Variants in SORCS3 observed in about 807,000 individuals in gnomAD.
The protein encoded by SORCS3 is sortilin related VPS10 domain containing receptor 3, also known as VPS10 domain-containing receptor SorCS3.
Under a neutral mutation model 146.3 loss-of-function variants are expected in SORCS3, and 57 were observed. The observed-to-expected ratio is 0.39, with a 90% CI of 0.31 to 0.49. The LOEUF (loss-of-function observed/expected upper bound fraction) is 0.49, where lower values mean the gene tolerates loss of function less well. Ranked by LOEUF, SORCS3 falls within the 20% of genes least tolerant of loss-of-function variation. The pLI is 0.92. For missense variants in SORCS3, 1,341 were observed against 1,575.5 expected, an observed-to-expected ratio of 0.85 and a Z score of 2.52; for synonymous variants, 653 against 618.5, an observed-to-expected ratio of 1.06 and a Z score of -0.83.
At chr10:105,016,155 AT>A (rs10625699) in intron 4 of SORCS3, among the ~76,000 whole-genome samples, 1,084 of 101,274 alleles carry the variant, frequency 0.011, 18 homozygotes, top group African/African-American at 0.033. Flanking sequence ...ATATATATAT[AT>A]TTTTTTTTTT....
chr10:104,743,301 G>A (rs1438914435), intron 1 of SORCS3, among the ~76,000 whole-genome samples: 2 of 152,142 alleles, frequency 1.3e-5, no homozygotes, highest in East Asian at 1.9e-4. Context: ...CTGCCATAGC[G>A]GGGTGAAGTT....
intron 4 of SORCS3, among the ~76,000 whole-genome samples, chr10:105,028,505 G>A (rs2055244696): frequency 6.6e-6 from 1 of 152,080 alleles, no homozygotes; most frequent in African/African-American, 2.4e-5. Flanking sequence ...AGGACAGTCT[G>A]GCTCAGGCAC....
chr10:104,757,700 A>AT (rs1182112784), intron 1 of SORCS3, among the ~76,000 whole-genome samples: 1 of 151,196 alleles, frequency 6.6e-6, no homozygotes, highest in African/African-American at 2.4e-5. Context: ...CTTTCTCTTC[A>AT]TTTTTTTCTC....
At chr10:104,720,794 A>G (rs894804868) in intron 1 of SORCS3, among the ~76,000 whole-genome samples, 5 of 152,292 alleles carry the variant, frequency 3.3e-5, no homozygotes, top group Admixed American at 6.5e-5. Context: ...GTGTCTGTTC[A>G]TATCCTTTGC....
rs1329401519 is a variant in SORCS3, at chr10:104,695,575, AG to A, written c.627+53623del. On this transcript the variant is annotated intron_variant, in intron 1 of 26. Coordinates refer to ENST00000369701, the MANE Select transcript of SORCS3 (RefSeq NM_014978.3). Reference sequence around the variant, plus strand: ...TCCCAACATGAGTTCCATTCCTCAGAGGTAACCACCCTCACAAGTTTAGTCC... The same window carrying A: ...TCCCAACATGAGTTCCATTCCTCAGAGTAACCACCCTCACAAGTTTAGTCC... Among the ~76,000 whole-genome samples, 5 of 152,168 alleles carry A rather than the reference AG, an allele frequency of 3.3e-5. No individual in the cohort carries two copies. The East Asian group carries it at 7.7e-4, about 23-fold the overall frequency.
intron 4 of SORCS3, among the ~76,000 whole-genome samples, chr10:105,020,268 CTT>C (rs2055190875): frequency 6.6e-6 from 1 of 152,160 alleles, no homozygotes; most frequent in East Asian, 1.9e-4. Flanking sequence ...GAAAGAAAGT[CTT>C]TTAAATTAAG....
chr10:104,848,008 C>G (rs1359177983), intron 2 of SORCS3, among the ~76,000 whole-genome samples: 2 of 152,122 alleles, frequency 1.3e-5, no homozygotes, highest in African/African-American at 4.8e-5. Context: ...TATCCTTACA[C>G]CATACTGGTG....
intron 2 of SORCS3, among the ~76,000 whole-genome samples, chr10:104,886,462 A>C (rs772307168): frequency 4.2e-4 from 64 of 152,140 alleles, no homozygotes; most frequent in Admixed American, 7.9e-4. Flanking sequence ...AGATACACAG[A>C]ATATGTCCAG....
In SORCS3 at chr10:104,932,872, C is replaced by T. The variant is rs112728180; in HGVS notation, c.795+16940C>T. Among the ~76,000 whole-genome samples the T allele has an allele frequency of 2.5e-3, 374 of 152,082 alleles. 2 individuals carry two copies. Among genetic ancestry groups the T allele is most frequent in the African/African-American group, 8.5e-3 (354 of 41,486 alleles). On this transcript the variant is annotated intron_variant, in intron 3 of 26. Transcript: ENST00000369701. Reference sequence around the variant, plus strand: ...ACTCCCAGCTATTCTTTTTAATTTTCTTTTTCTTTTGTTCTTTTCTTTCTT... The same window carrying T: ...ACTCCCAGCTATTCTTTTTAATTTTTTTTTTCTTTTGTTCTTTTCTTTCTT...
intron 3 of SORCS3, among the ~76,000 whole-genome samples, chr10:104,942,980 G>C (rs1472574198): frequency 6.6e-6 from 1 of 152,108 alleles, no homozygotes; most frequent in Non-Finnish European, 1.5e-5. Flanking sequence ...AATGTATAAG[G>C]ATTGGAGGGA....
At chr10:105,242,986 A>G (rs1262753908) in intron 20 of SORCS3, among the ~76,000 whole-genome samples, 2 of 116,526 alleles carry the variant, frequency 1.7e-5, no homozygotes, top group South Asian at 2.4e-4. Context: ...TATTATATAT[A>G]ATATATATTT....
intron 2 of SORCS3, among the ~76,000 whole-genome samples, chr10:104,865,840 G>T (rs555440642): frequency 1.3e-5 from 2 of 152,220 alleles, no homozygotes; most frequent in Non-Finnish European, 2.9e-5. Flanking sequence ...AACAGGCTTG[G>T]GGGTGGGAGG....
At chr10:105,060,578 G>A (rs558256405) in intron 5 of SORCS3, among the ~76,000 whole-genome samples, 72 of 152,206 alleles carry the variant, frequency 4.7e-4, no homozygotes, top group African/African-American at 1.6e-3. Flanking sequence ...CATTACTGGG[G>A]GCAGTGAGTC....
intron 1 of SORCS3, among the ~76,000 whole-genome samples, chr10:104,647,424 T>C (rs1473287442): frequency 6.6e-6 from 1 of 152,236 alleles, no homozygotes; most frequent in African/African-American, 2.4e-5. Flanking sequence ...TCTTTTCCCC[T>C]ACTTGTTTAT....
intron 1 of SORCS3, among the ~76,000 whole-genome samples, chr10:104,734,593 C>T (rs1434829446): frequency 6.6e-6 from 1 of 152,214 alleles, no homozygotes; most frequent in Non-Finnish European, 1.5e-5. Flanking sequence ...GCTGTGGGTC[C>T]TAGTCTTGTG....
At chr10:104,900,776 C>T (rs2018843739) in intron 2 of SORCS3, among the ~76,000 whole-genome samples, 1 of 151,666 alleles carries the variant, frequency 6.6e-6, no homozygotes, top group Non-Finnish European at 1.5e-5. Flanking sequence ...CACCTGTAAT[C>T]CCAGCTACTC....
At chr10:104,900,219 C>A (rs1039192710) in intron 2 of SORCS3, among the ~76,000 whole-genome samples, 2 of 152,176 alleles carry the variant, frequency 1.3e-5, no homozygotes, top group Non-Finnish European at 2.9e-5. Context: ...GATGCTGGCT[C>A]TGCTGGTTTC....
At chr10:104,696,671 ATAACATATATAATATATAAT>A (rs2016215279) in intron 1 of SORCS3, among the ~76,000 whole-genome samples, 1 of 9,174 alleles carries the variant, frequency 1.1e-4, no homozygotes, top group Non-Finnish European at 1.9e-4. Flanking sequence ...TATATAATAT[ATAACATATATAATATATAAT>A]ATATATTATA....
At chr10:104,729,240 G>T (rs778779734) in intron 1 of SORCS3, among the ~76,000 whole-genome samples, 2 of 152,142 alleles carry the variant, frequency 1.3e-5, no homozygotes, top group Admixed American at 6.5e-5. Flanking sequence ...CTGTTTTATG[G>T]TACACGTGTA....
Sources: gnomAD v4.1 joint callset for allele counts (sites outside exome capture counted in the v4.1 genomes callset) on GRCh38, gnomAD v4.1.1 for gene constraint, MANE v1.5 for transcripts, NCBI Gene and HGNC (gene_info 2026-07-23, HGNC 2026-07-21) for gene names.